PTPRD: variants seen among roughly 807,000 people sequenced by gnomAD.
The protein encoded by PTPRD is protein tyrosine phosphatase receptor type D, also known as receptor-type tyrosine-protein phosphatase delta.
In PTPRD, 34 loss-of-function variants were observed where a neutral mutation model predicts 214.5. The observed-to-expected ratio is 0.16, with a 90% CI of 0.12 to 0.21. The LOEUF (loss-of-function observed/expected upper bound fraction) is 0.21. Among genes scored for constraint, PTPRD ranks in the 10% least tolerant of loss-of-function variants. PTPRD has a pLI of 1.00. For missense variants in PTPRD, 2,545 were observed against 2,398.7 expected, an observed-to-expected ratio of 1.06 and a Z score of -1.27; for synonymous variants, 1,128 against 845.7, an observed-to-expected ratio of 1.33 and a Z score of -5.79.
chr9:8,319,746 G>C (rs1393979917), intron 45 of PTPRD, 85 bp downstream of exon 45: 4 of 1,500,352 alleles, frequency 2.7e-6, no homozygotes, highest in South Asian at 2.4e-5. Flanking sequence ...TTTGTGTCTG[G>C]TGTTGAGAGA....
intron 7 of PTPRD, among the ~76,000 whole-genome samples, chr9:9,732,780 T>C (rs1050126197): frequency 5.9e-5 from 9 of 152,048 alleles, no homozygotes; most frequent in Non-Finnish European, 1.2e-4. Flanking sequence ...CTTTGATGAA[T>C]ACTTTTAAAA....
chr9:10,023,656 C>T (rs2096867155), intron 4 of PTPRD, among the ~76,000 whole-genome samples: 1 of 149,948 alleles, frequency 6.7e-6, no homozygotes, highest in Non-Finnish European at 1.5e-5. Context: ...AGAGTTACTA[C>T]AGAATTATGG....
At chr9:9,941,721 G>C (rs1156574708) in intron 4 of PTPRD, among the ~76,000 whole-genome samples, 1 of 152,160 alleles carries the variant, frequency 6.6e-6, no homozygotes, top group East Asian at 1.9e-4. Flanking sequence ...GTGACAACTG[G>C]TGCATGGTGG....
chr9:9,281,600 A>C (rs1412512608), intron 9 of PTPRD, among the ~76,000 whole-genome samples: 1 of 151,310 alleles, frequency 6.6e-6, no homozygotes, highest in Non-Finnish European at 1.5e-5. Flanking sequence ...TAACAACACA[A>C]AATTCTGGTA....
At chr9:9,868,856 A>C (rs532161967) in intron 5 of PTPRD, among the ~76,000 whole-genome samples, 1 of 152,284 alleles carries the variant, frequency 6.6e-6, no homozygotes, top group East Asian at 1.9e-4. Flanking sequence ...TGATAGAGAA[A>C]CTTCTACAAA....
At chr9:9,412,297 G>A (rs2075700704) in intron 8 of PTPRD, among the ~76,000 whole-genome samples, 1 of 152,132 alleles carries the variant, frequency 6.6e-6, no homozygotes, top group African/African-American at 2.4e-5. Context: ...AGTGACAAGT[G>A]TAATATGATA....
At chr9:9,827,769 GC>G (rs1237258774) in intron 5 of PTPRD, among the ~76,000 whole-genome samples, 1 of 152,026 alleles carries the variant, frequency 6.6e-6, no homozygotes, top group Non-Finnish European at 1.5e-5. Flanking sequence ...CTGACAAAGG[GC>G]TAATATCTAG....
chr9:9,881,017 AT>A (rs1156615816), intron 5 of PTPRD, among the ~76,000 whole-genome samples: 1 of 152,194 alleles, frequency 6.6e-6, no homozygotes, highest in East Asian at 1.9e-4. Flanking sequence ...GAAACCCTGC[AT>A]TGAAAAACAT....
chr9:9,583,257 A>C (rs995845003), intron 7 of PTPRD, among the ~76,000 whole-genome samples: 1 of 152,074 alleles, frequency 6.6e-6, no homozygotes, highest in African/African-American at 2.4e-5. Context: ...TCATTTAGCA[A>C]GTGGGAATTT....
intron 10 of PTPRD, among the ~76,000 whole-genome samples, chr9:9,084,093 C>T (rs1462681126): frequency 6.6e-6 from 1 of 152,138 alleles, no homozygotes; most frequent in Non-Finnish European, 1.5e-5. Flanking sequence ...ACTATAAAGA[C>T]ACATGCACAT....
intron 10 of PTPRD, among the ~76,000 whole-genome samples, chr9:9,098,537 C>T (rs1044701553): frequency 6.6e-6 from 1 of 152,172 alleles, no homozygotes; most frequent in Non-Finnish European, 1.5e-5. Flanking sequence ...GCATGAGCCA[C>T]CATGCCTGGC....
intron 4 of PTPRD, among the ~76,000 whole-genome samples, chr9:9,985,240 T>C (rs545937237): frequency 6.3e-4 from 96 of 152,338 alleles, no homozygotes; most frequent in African/African-American, 2.2e-3. Context: ...TTGTGCGTAC[T>C]TTTCCCCAGT....
intron 2 of PTPRD, among the ~76,000 whole-genome samples, chr9:10,511,762 T>A (rs1187742369): frequency 6.7e-6 from 1 of 150,298 alleles, no homozygotes; most frequent in Non-Finnish European, 1.5e-5. Context: ...TGTAATGGCA[T>A]TTCATTTTAC....
At chr9:8,941,990 G>C (rs1431795433) in intron 11 of PTPRD, among the ~76,000 whole-genome samples, 2 of 152,104 alleles carry the variant, frequency 1.3e-5, no homozygotes, top group African/African-American at 4.8e-5. Context: ...ATTTTTACTA[G>C]AGATGGGGTT....
intron 5 of PTPRD, among the ~76,000 whole-genome samples, chr9:9,919,178 T>A (rs35411176): frequency 0.26 from 39,464 of 151,996 alleles, 5,290 homozygotes; most frequent in East Asian, 0.38. Context: ...TTGCTCCTAA[T>A]TTTTTGTTAC....
At chr9:10,516,217 C>G (rs572247412) in intron 2 of PTPRD, among the ~76,000 whole-genome samples, 342 of 151,830 alleles carry the variant, frequency 2.3e-3, no homozygotes, top group Middle Eastern at 6.8e-3. Flanking sequence ...TCCAATTTTT[C>G]TATATCCTGA....
chr9:9,940,022 T>G (rs2090962251), intron 4 of PTPRD, among the ~76,000 whole-genome samples: 1 of 152,204 alleles, frequency 6.6e-6, no homozygotes, highest in Admixed American at 6.5e-5. Context: ...AGATGGCACT[T>G]TCAAATTAGG....
At chr9:9,388,073 T>C (rs1236153249) in intron 9 of PTPRD, among the ~76,000 whole-genome samples, 14 of 152,088 alleles carry the variant, frequency 9.2e-5, no homozygotes, top group Non-Finnish European at 2.1e-4. Context: ...GGGAAATTAG[T>C]GCAAGGTTTT....
chr9:8,810,726 C>T (rs920408850), intron 11 of PTPRD, among the ~76,000 whole-genome samples: 2 of 152,160 alleles, frequency 1.3e-5, no homozygotes, highest in African/African-American at 4.8e-5. Flanking sequence ...AAAGTGGAGC[C>T]TGAGAAAAGG....
Sources: allele counts gnomAD v4.1 joint callset (sites outside exome capture counted in the v4.1 genomes callset), GRCh38; gene constraint gnomAD v4.1.1; transcripts MANE v1.5; gene names NCBI Gene and HGNC (gene_info 2026-07-23, HGNC 2026-07-21).